Variants in TMEM45A observed in about 807,000 individuals in gnomAD.
The protein encoded by TMEM45A is transmembrane protein 45A.
A neutral mutation model predicts 32.0 loss-of-function variants in TMEM45A; 25 were observed. The observed-to-expected ratio is 0.78, with a 90% CI of 0.57 to 1.09. The LOEUF (loss-of-function observed/expected upper bound fraction) is 1.09. Among genes scored for constraint, TMEM45A ranks in the 50% least tolerant of loss-of-function variants. The probability of loss-of-function intolerance (pLI) is 0.00; values close to 1 mark genes in which losing one functional copy is unlikely to be tolerated. For synonymous variants in TMEM45A, 122 were observed against 114.8 expected (o/e 1.06, Z -0.40); for missense variants, 302 against 325.0 (o/e 0.93, Z 0.54).
chr3:100,497,781 C>T (rs1028429556), intron 1 of TMEM45A, among the ~76,000 whole-genome samples: 17 of 152,192 alleles, frequency 1.1e-4, no homozygotes, highest in African/African-American at 4.1e-4. Flanking sequence ...TATGTATATA[C>T]CATCTTTTGT....
Position 100,504,142 on chromosome 3 carries a change from T to A in TMEM45A, c.-4+11214T>A, listed in dbSNP as rs528573077. On this transcript the variant is annotated intron_variant, in intron 1 of 5. Coordinates refer to ENST00000323523, the MANE Select transcript of TMEM45A (RefSeq NM_018004.3). Reference sequence around the variant, plus strand: ...TGTGCCTGATCCACTCTTGTTCAAGTGTCCAGCACCCTTTCCCTGAATTAC... The same window carrying A: ...TGTGCCTGATCCACTCTTGTTCAAGAGTCCAGCACCCTTTCCCTGAATTAC... Among the ~76,000 whole-genome samples, 3 of 152,154 alleles carry A rather than the reference T, an allele frequency of 2.0e-5. No homozygotes were observed. In the South Asian group the frequency reaches 6.2e-4, roughly 32 times the overall value.
chr3:100,564,629 C>T (rs558854345), intron 4 of TMEM45A, among the ~76,000 whole-genome samples: 2 of 152,242 alleles, frequency 1.3e-5, no homozygotes, highest in African/African-American at 4.8e-5. Flanking sequence ...ATTATAGGCA[C>T]ATGCCACCAG....
chr3:100,535,365 A>G (rs948015365), intron 1 of TMEM45A, among the ~76,000 whole-genome samples: 7 of 152,162 alleles, frequency 4.6e-5, no homozygotes, highest in African/African-American at 1.4e-4. Context: ...TAAGAAATTA[A>G]TTAAAAATTA....
chr3:100,550,709 C>CT (rs1706079454), intron 1 of TMEM45A, among the ~76,000 whole-genome samples: 1 of 152,230 alleles, frequency 6.6e-6, no homozygotes, highest in East Asian at 1.9e-4. Flanking sequence ...GAATTAACAC[C>CT]TAGCACCTGA....
At chr3:100,524,239 G>A (rs933885721) in intron 1 of TMEM45A, among the ~76,000 whole-genome samples, 1 of 152,206 alleles carries the variant, frequency 6.6e-6, no homozygotes, top group African/African-American at 2.4e-5. Context: ...TCAAAAGACA[G>A]CATGATCTTG....
chr3:100,512,530 C>T lies in TMEM45A; in HGVS notation c.-4+19602C>T, dbSNP rs553834296. 1.5e-3 allele frequency among the ~76,000 whole-genome samples: 229 copies of T among 152,164 alleles called. No homozygotes were observed. In the Middle Eastern group the frequency reaches 0.017, roughly 11 times the overall value. ...GCCCACAAGAGAAAGGAGGAAAGAT[C>T]CAAAATTGACACCCTAACATCACAA... On this transcript the variant is annotated intron_variant, in intron 1 of 5. Transcript: ENST00000323523.
intron 1 of TMEM45A, among the ~76,000 whole-genome samples, chr3:100,504,987 G>A (rs1708059455): frequency 6.6e-6 from 1 of 152,262 alleles, no homozygotes; most frequent in South Asian, 2.1e-4. Context: ...CCAGAAAATG[G>A]GTCTGTCGTG....
intron 1 of TMEM45A, among the ~76,000 whole-genome samples, chr3:100,527,569 T>C (rs1705570450): frequency 1.3e-5 from 2 of 152,174 alleles, no homozygotes; most frequent in African/African-American, 2.4e-5. Context: ...TCCAACCTTA[T>C]GAAATATGAA....
chr3:100,537,669 G>T (rs1275455481), intron 1 of TMEM45A, among the ~76,000 whole-genome samples: 2 of 152,334 alleles, frequency 1.3e-5, no homozygotes, highest in African/African-American at 4.8e-5. Flanking sequence ...GGCAAAGAAG[G>T]CGAGGCCATA....
intron 5 of TMEM45A, chr3:100,573,230 T>C (rs1392446193): frequency 6.6e-6 from 1 of 151,584 alleles, no homozygotes; most frequent in African/African-American, 2.4e-5. Flanking sequence ...TTCCTACCCA[T>C]GAGCATGGAA....
intron 1 of TMEM45A, among the ~76,000 whole-genome samples, chr3:100,523,051 A>C (rs751548095): frequency 7.9e-5 from 12 of 152,302 alleles, no homozygotes; most frequent in Non-Finnish European, 1.5e-4. Flanking sequence ...CTCTGTGGCC[A>C]AACTCTAATG....
At chr3:100,546,036 C>T (rs1224852683) in intron 1 of TMEM45A, among the ~76,000 whole-genome samples, 1 of 152,136 alleles carries the variant, frequency 6.6e-6, no homozygotes, top group African/African-American at 2.4e-5. Flanking sequence ...TTCAGAGTCA[C>T]AGGAATCCAT....
In TMEM45A at chr3:100,542,450, A is replaced by G. The variant is rs114424509; in HGVS notation, c.-3-12759A>G. On this transcript the variant is annotated intron_variant, in intron 1 of 5. Coordinates refer to ENST00000323523, the MANE Select transcript of TMEM45A (RefSeq NM_018004.3). ...GAAATTGCAACAAAAACAAAAATCA[A>G]TAAGTGGAACCTAATTAAACTAAAG... Among the ~76,000 whole-genome samples, 471 of 152,382 alleles carry G rather than the reference A, an allele frequency of 3.1e-3. 4 individuals carry two copies. The highest frequency in any genetic ancestry group is 5.1e-3 in the Non-Finnish European group (350 of 68,048).
chr3:100,569,969 C>T (rs1706525228), intron 5 of TMEM45A, among the ~76,000 whole-genome samples: 1 of 152,182 alleles, frequency 6.6e-6, no homozygotes, highest in South Asian at 2.1e-4. Flanking sequence ...CAGTTCCTTT[C>T]TCTAAGGTGG....
In TMEM45A at chr3:100,577,129, T is replaced by A. The variant is rs755358330; in HGVS notation, c.*111T>A. ...ACAGCTGGCTAAGGATGACTCTAAG[T>A]GTACTGTTTGCATTTCCAATTTGGT... On this transcript the variant is annotated 3_prime_UTR_variant, in exon 6 of 6. Transcript: ENST00000323523. 3 of 769,508 alleles carry A rather than the reference T, an allele frequency of 3.9e-6. No homozygotes were observed. The Admixed American group carries it at 9.2e-5, about 24-fold the overall frequency. The allele number at this position is 769,508 out of a possible 1,614,324, so 47.7% of individuals were successfully genotyped here. A position where few individuals can be genotyped will look rare whatever the true frequency, so the allele number is the denominator to read the frequency against.
intron 1 of TMEM45A, among the ~76,000 whole-genome samples, chr3:100,515,371 C>A (rs530096569): frequency 0.012 from 1,852 of 150,654 alleles, 26 homozygotes; most frequent in African/African-American, 0.042. Flanking sequence ...AGTAAACTAT[C>A]ACAAGAACAA....
chr3:100,514,728 C>G (rs1320501731), intron 1 of TMEM45A, among the ~76,000 whole-genome samples: 2 of 152,144 alleles, frequency 1.3e-5, no homozygotes, highest in South Asian at 4.1e-4. Context: ...ACCTACTCAT[C>G]TGACAAAGGG....
Position 100,577,424 on chromosome 3 carries a change from A to G in TMEM45A, c.*406A>G, listed in dbSNP as rs1706715395. 6.3e-6 allele frequency: 1 copy of G among 159,680 alleles called. No homozygotes were observed. Among genetic ancestry groups the G allele is most frequent in the Non-Finnish European group, 1.4e-5 (1 of 73,626 alleles). The allele number at this position is 159,680 out of a possible 1,614,324, so 9.9% of individuals were successfully genotyped here. A position where few individuals can be genotyped will look rare whatever the true frequency, so the allele number is the denominator to read the frequency against. On this transcript the variant is annotated 3_prime_UTR_variant, in exon 6 of 6. Transcript: ENST00000323523. ...TGTTGCTGCAATGAGAAATAAATGAATGTATGTATTTTGGTGCAGACACCT... is the reference window on the plus strand; with the variant it reads ...TGTTGCTGCAATGAGAAATAAATGAGTGTATGTATTTTGGTGCAGACACCT...
intron 4 of TMEM45A, among the ~76,000 whole-genome samples, chr3:100,560,392 G>A (rs780436894): frequency 2.7e-4 from 41 of 151,906 alleles, no homozygotes; most frequent in Admixed American, 4.6e-4. Context: ...TGATGTGTTA[G>A]TTTGTAGTTT....
Sources: allele counts gnomAD v4.1 joint callset (sites outside exome capture counted in the v4.1 genomes callset), GRCh38; gene constraint gnomAD v4.1.1; transcripts MANE v1.5; gene names NCBI Gene and HGNC (gene_info 2026-07-23, HGNC 2026-07-21).